The following ZNRF3 variants were observed in gnomAD, a reference collection of about 807,000 sequenced individuals.
ZNRF3 encodes the protein zinc and ring finger 3.
In ZNRF3, 23 loss-of-function variants were observed where a neutral mutation model predicts 72.5. The ratio of observed to expected loss-of-function variants is 0.32; its 90% CI spans 0.23 to 0.45. ZNRF3 has a LOEUF of 0.45. Ranked by LOEUF, ZNRF3 falls within the 20% of genes least tolerant of loss-of-function variation. The pLI is 1.00. For synonymous variants in ZNRF3, 610 were observed against 545.3 expected (o/e 1.12, Z -1.65); for missense variants, 1,169 against 1,272.1 (o/e 0.92, Z 1.23).
At chr22:28,937,215 A>ATTTTT (rs370829828) in intron 1 of ZNRF3, among the ~76,000 whole-genome samples, 10 of 8,838 alleles carry the variant, frequency 1.1e-3, no homozygotes, top group African/African-American at 1.9e-3. Context: ...ATATATATAT[A>ATTTTT]TTTTTTTTTT....
Position 29,030,709 on chromosome 22 carries a change from G to C in ZNRF3, c.427-11786G>C, listed in dbSNP as rs544998150. On this transcript the variant is annotated intron_variant, in intron 2 of 8. Coordinates refer to ENST00000544604, the MANE Select transcript of ZNRF3 (RefSeq NM_001206998.2). The surrounding 1 kb of genome is among the most constrained non-coding windows in gnomAD (Gnocchi z 4.2). Reference sequence around the variant, plus strand: ...TCCCGGCCCGCTGGATTGGGGGTTCGGGGGTGGGGGGAACATAGAGAAGCA... The same window carrying C: ...TCCCGGCCCGCTGGATTGGGGGTTCCGGGGTGGGGGGAACATAGAGAAGCA... 4.0e-5 allele frequency among the ~76,000 whole-genome samples: 6 copies of C among 151,532 alleles called. No individual in the cohort carries two copies. The East Asian group carries it at 1.2e-3, about 29-fold the overall frequency.
rs772809750 is a variant in ZNRF3, at chr22:29,049,708, C to T, written c.1527C>T (p.Phe509=). The T allele has an allele frequency of 1.0e-5, 16 of 1,604,884 alleles. No homozygotes were observed. The South Asian group carries it at 1.5e-4, about 16-fold the overall frequency. Residue 509 remains phenylalanine, a synonymous_variant, in exon 8 of 9, where the codon TTC becomes TTT. Transcript: ENST00000544604. This position sits in a 1 kb window ranked among gnomAD's most constrained non-coding sequence, Gnocchi z 5.2. ...CGAGCGGCAGTGGCAGCCTGCTCTT[C>T]CCCACCGTGGTGCACGTGGCCCCGC... The part of the protein sequence containing the change: ...FPPSGSGSLL[F]PTVVHVAPPS...
intron 1 of ZNRF3, among the ~76,000 whole-genome samples, chr22:28,927,266 G>T (rs1017509969): frequency 6.6e-6 from 1 of 152,022 alleles, no homozygotes; most frequent in Non-Finnish European, 1.5e-5. Flanking sequence ...TTGTAAACCT[G>T]CTCAAAGCAC....
intron 1 of ZNRF3, among the ~76,000 whole-genome samples, chr22:28,899,028 AT>A (rs1388166245): frequency 5.8e-5 from 8 of 138,492 alleles, no homozygotes; most frequent in African/African-American, 1.9e-4. Flanking sequence ...GATATGTTGT[AT>A]TTCACTTGTG....
At chr22:29,019,043 C>T (rs1467955971) in intron 2 of ZNRF3, among the ~76,000 whole-genome samples, 2 of 151,494 alleles carry the variant, frequency 1.3e-5, no homozygotes, top group Non-Finnish European at 2.9e-5. Flanking sequence ...CATGCCCTCT[C>T]AACATGTGGT....
intron 1 of ZNRF3, among the ~76,000 whole-genome samples, chr22:28,933,778 T>TCTCC (rs1555970191): frequency 8.8e-4 from 95 of 107,354 alleles, no homozygotes; most frequent in African/African-American, 3.0e-3. Flanking sequence ...TCTCTCTCTC[T>TCTCC]CCCCTCCCTC....
chr22:28,888,282 G>A (rs1016752182), intron 1 of ZNRF3, among the ~76,000 whole-genome samples: 2 of 152,204 alleles, frequency 1.3e-5, no homozygotes, highest in Admixed American at 6.5e-5. Context: ...CCCTGTCAGT[G>A]TGCTTCTGCA....
chr22:29,026,496 T>C (rs985882057), intron 2 of ZNRF3: 2 of 152,186 alleles, frequency 1.3e-5, no homozygotes, highest in Non-Finnish European at 2.9e-5. Flanking sequence ...AACCTGAAAA[T>C]GGTGTCCTTG....
intron 1 of ZNRF3, among the ~76,000 whole-genome samples, chr22:28,895,501 A>G (rs1359540842): frequency 6.6e-6 from 1 of 152,126 alleles, no homozygotes; most frequent in Non-Finnish European, 1.5e-5. Context: ...CCCCGTCTCT[A>G]CTAAAAATAC....
At chr22:29,026,801 A>C (rs2036644923) in intron 2 of ZNRF3, 1 of 152,170 alleles carries the variant, frequency 6.6e-6, no homozygotes, top group African/African-American at 2.4e-5. Context: ...GATGTCTGTG[A>C]TCATTGTTGT....
Position 29,054,502 on chromosome 22 carries a change from ACCCT to A in ZNRF3, c.*883_*886del, listed in dbSNP as rs2037264738. 1 of 152,350 alleles carries A rather than the reference ACCCT, an allele frequency of 6.6e-6. No homozygotes were observed. Among genetic ancestry groups the A allele is most frequent in the Non-Finnish European group, 1.5e-5 (1 of 68,026 alleles). 9.4% of individuals were successfully genotyped at this position (152,350 alleles called of 1,614,324 possible). On this transcript the variant is annotated 3_prime_UTR_variant, in exon 9 of 9. Coordinates refer to ENST00000544604, the MANE Select transcript of ZNRF3 (RefSeq NM_001206998.2). ...CTTGGGGCCCTCGACCTGAACTCTG[ACCCT>A]CCGGGCAGGGAAGAGGAGGTTGTCC...
chr22:28,979,190 G>A (rs969845848), intron 1 of ZNRF3, among the ~76,000 whole-genome samples: 2 of 152,168 alleles, frequency 1.3e-5, no homozygotes, highest in Non-Finnish European at 2.9e-5. Context: ...CAAAGCCATC[G>A]TCCTGGGATT....
intron 2 of ZNRF3, among the ~76,000 whole-genome samples, chr22:28,995,634 C>T (rs545629066): frequency 2.4e-4 from 37 of 152,250 alleles, no homozygotes; most frequent in Admixed American, 9.2e-4. Context: ...TGACCATTGT[C>T]TCACTGAGTT....
In ZNRF3 at chr22:29,053,649, T is replaced by C. The variant is rs747497017; in HGVS notation, c.*27T>C. On this transcript the variant is annotated 3_prime_UTR_variant, in exon 9 of 9. Coordinates refer to ENST00000544604, the MANE Select transcript of ZNRF3 (RefSeq NM_001206998.2). ...CTCAGGAGGAACTCTTACCTGGAAA[T>C]TGGGAACTGTATGGAGACTCCAAAC... is the stretch of plus-strand genomic sequence containing the variant. 2.5e-6 allele frequency: 4 copies of C among 1,610,296 alleles called. No homozygotes were observed. The highest frequency in any genetic ancestry group is 4.5e-5 in the East Asian group (2 of 44,764).
chr22:29,019,320 G>T (rs2036489085), intron 2 of ZNRF3, among the ~76,000 whole-genome samples: 1 of 152,104 alleles, frequency 6.6e-6, no homozygotes, highest in South Asian at 2.1e-4. Flanking sequence ...ACTCTAAGAG[G>T]TGTGAATGTC....
intron 1 of ZNRF3, among the ~76,000 whole-genome samples, chr22:28,940,488 G>A (rs1032139427): frequency 7.1e-6 from 1 of 141,322 alleles, no homozygotes; most frequent in African/African-American, 2.5e-5. Flanking sequence ...AGCCACACTA[G>A]GTTTCTGCTT....
chr22:28,936,793 C>G (rs1410734274), intron 1 of ZNRF3, among the ~76,000 whole-genome samples: 1 of 152,116 alleles, frequency 6.6e-6, no homozygotes, highest in East Asian at 1.9e-4. Flanking sequence ...CCTCGACTGC[C>G]TCTGAGAGTA....
intron 2 of ZNRF3, among the ~76,000 whole-genome samples, chr22:29,041,481 C>T (rs982301071): frequency 2.6e-5 from 4 of 152,170 alleles, no homozygotes; most frequent in East Asian, 1.9e-4. Flanking sequence ...CCTTCCCCCA[C>T]CTCCCCCAAA....
chr22:28,963,304 C>T (rs2035399342), intron 1 of ZNRF3, among the ~76,000 whole-genome samples: 1 of 152,172 alleles, frequency 6.6e-6, no homozygotes, highest in Non-Finnish European at 1.5e-5. Context: ...GGCTCACAGG[C>T]TATAGCCACA....
Sources: allele counts gnomAD v4.1 joint callset (sites outside exome capture counted in the v4.1 genomes callset), GRCh38; gene constraint gnomAD v4.1.1; non-coding constraint Gnocchi (gnomAD v3.1); transcripts MANE v1.5; gene names NCBI Gene and HGNC (gene_info 2026-07-23, HGNC 2026-07-21).